The following NNT variants were observed in gnomAD, a reference collection of about 807,000 sequenced individuals.
The protein encoded by NNT is NAD(P) transhydrogenase, mitochondrial.
In NNT, 50 loss-of-function variants were observed where a neutral mutation model predicts 104.8. The ratio of observed to expected loss-of-function variants is 0.48; its 90% CI spans 0.38 to 0.60. The LOEUF is 0.60. Among genes scored for constraint, NNT ranks in the 20% least tolerant of loss-of-function variants. The probability of loss-of-function intolerance (pLI) is 0.00; values close to 1 mark genes in which losing one functional copy is unlikely to be tolerated. For missense variants in NNT, 1,131 were observed against 1,330.7 expected, an observed-to-expected ratio of 0.85 and a Z score of 2.33; for synonymous variants, 461 against 490.4, an observed-to-expected ratio of 0.94 and a Z score of 0.79.
chr5:43,612,881 A>AT (rs765058789), intron 2 of NNT, 27 bp from the exon 3 acceptor site: 90 of 1,348,430 alleles, frequency 6.7e-5, no homozygotes, highest in East Asian at 8.6e-5. Context: ...CCAAATATAT[A>AT]TTTTTTTTGC....
chr5:43,681,259 CAAAAA>C (rs559273026), intron 19 of NNT, among the ~76,000 whole-genome samples: 1 of 58,728 alleles, frequency 1.7e-5, no homozygotes, highest in African/African-American at 5.3e-5. Context: ...GGCTCCTTCT[CAAAAA>C]AAAAAAAAAA....
intron 10 of NNT, among the ~76,000 whole-genome samples, chr5:43,648,862 A>G (rs1274201062): frequency 6.6e-6 from 1 of 152,222 alleles, no homozygotes; most frequent in Non-Finnish European, 1.5e-5. Flanking sequence ...GGAAGAGGAC[A>G]AACTACACAG....
At chr5:43,683,154 T>C (rs983320580) in intron 19 of NNT, among the ~76,000 whole-genome samples, 1 of 152,226 alleles carries the variant, frequency 6.6e-6, no homozygotes, top group African/African-American at 2.4e-5. Flanking sequence ...GGTGGCAGGA[T>C]AGTGGGTATG....
intron 6 of NNT, among the ~76,000 whole-genome samples, chr5:43,625,833 A>G (rs1455558913): frequency 2.0e-5 from 3 of 152,180 alleles, no homozygotes; most frequent in Admixed American, 6.5e-5. Flanking sequence ...CAAGAACAGA[A>G]AATAAAATAC....
At chr5:43,611,853 G>C (rs1271467130) in intron 2 of NNT, among the ~76,000 whole-genome samples, 1 of 152,124 alleles carries the variant, frequency 6.6e-6, no homozygotes, top group Non-Finnish European at 1.5e-5. Flanking sequence ...AACATCAGGA[G>C]AAACTGATGT....
intron 7 of NNT, 47 bp from the exon 8 acceptor site, chr5:43,644,145 T>C (rs140131063): frequency 6.5e-7 from 1 of 1,530,920 alleles, no homozygotes; most frequent in African/African-American, 1.4e-5. Context: ...CTTTAAGGTG[T>C]TAGAAAATGA....
chr5:43,677,074 G>A (rs776667658), intron 18 of NNT, among the ~76,000 whole-genome samples: 2 of 152,008 alleles, frequency 1.3e-5, no homozygotes, highest in Non-Finnish European at 2.9e-5. Flanking sequence ...AGAGTGTGGG[G>A]TGGGGGGAAA....
At chr5:43,636,335 G>A (rs914219011) in intron 7 of NNT, among the ~76,000 whole-genome samples, 9 of 152,262 alleles carry the variant, frequency 5.9e-5, no homozygotes, top group African/African-American at 2.2e-4. Context: ...CATTGAAGAT[G>A]GTGCCTCATG....
At chr5:43,613,229 C>A in intron 3 of NNT, 92 bp downstream of exon 3, 1 of 965,104 alleles carries the variant, frequency 1.0e-6, no homozygotes, top group Non-Finnish European at 1.5e-6. Context: ...TGGAGTTACA[C>A]CTTTTCCTAT....
intron 20 of NNT, among the ~76,000 whole-genome samples, chr5:43,701,926 T>A (rs1025565643): frequency 1.6e-4 from 25 of 152,144 alleles, no homozygotes; most frequent in African/African-American, 2.2e-4. Context: ...AAATATTTTT[T>A]AAAATTTTTT....
At chr5:43,665,219 TTTATTA>T (rs781536048) in intron 17 of NNT, among the ~76,000 whole-genome samples, 4 of 116,836 alleles carry the variant, frequency 3.4e-5, no homozygotes, top group Middle Eastern at 8.5e-3. Flanking sequence ...TATTTATTTA[TTTATTA>T]TTATTATTAT....
chr5:43,697,537 A>T (rs1742621262), intron 19 of NNT, among the ~76,000 whole-genome samples: 1 of 152,204 alleles, frequency 6.6e-6, no homozygotes, highest in Non-Finnish European at 1.5e-5. Flanking sequence ...TCTTTTCAGC[A>T]GCACCTTACA....
chr5:43,639,921 AT>A (rs140770031), intron 7 of NNT, among the ~76,000 whole-genome samples: 9 of 149,888 alleles, frequency 6.0e-5, no homozygotes, highest in Middle Eastern at 3.5e-3. Flanking sequence ...ACAGTGACTG[AT>A]TTTTTTTTTA....
intron 19 of NNT, among the ~76,000 whole-genome samples, chr5:43,684,738 A>C (rs780310369): frequency 7.9e-5 from 12 of 152,040 alleles, no homozygotes; most frequent in Non-Finnish European, 1.8e-4. Context: ...TAAAAAAAAA[A>C]CCTTTTCCTT....
intron 17 of NNT, chr5:43,666,914 G>T (rs571705532): frequency 5.1e-6 from 8 of 1,576,570 alleles, no homozygotes; most frequent in South Asian, 1.1e-5. Flanking sequence ...GCACAAACAC[G>T]CTTCCCAAGC....
At chr5:43,607,882 G>A (rs571598313) in intron 1 of NNT, among the ~76,000 whole-genome samples, 2 of 152,280 alleles carry the variant, frequency 1.3e-5, no homozygotes, top group Admixed American at 1.3e-4. Flanking sequence ...GGCAGAGTTA[G>A]CAGTGTTAGC....
chr5:43,623,923 C>A, intron 5 of NNT, 109 bp from the exon 6 acceptor site: 1 of 981,496 alleles, frequency 1.0e-6, no homozygotes, highest in Admixed American at 1.7e-5. Flanking sequence ...CCATCTGCAC[C>A]GCCATTTATT....
intron 7 of NNT, among the ~76,000 whole-genome samples, chr5:43,631,876 G>A (rs377048341): frequency 6.8e-6 from 1 of 147,372 alleles, no homozygotes; most frequent in African/African-American, 2.5e-5. Flanking sequence ...AGATTAATGT[G>A]AACATTAAAT....
intron 7 of NNT, among the ~76,000 whole-genome samples, chr5:43,643,374 G>A (rs1751337428): frequency 1.3e-5 from 2 of 152,166 alleles, no homozygotes; most frequent in Non-Finnish European, 2.9e-5. Flanking sequence ...AAAGTCCTAA[G>A]GTCTGGGTTT....
Sources: gnomAD v4.1 joint callset for allele counts (sites outside exome capture counted in the v4.1 genomes callset) on GRCh38, gnomAD v4.1.1 for gene constraint, MANE v1.5 for transcripts, NCBI Gene and HGNC (gene_info 2026-07-23, HGNC 2026-07-21) for gene names.